AK5: variants seen among roughly 807,000 people sequenced by gnomAD.
AK5 encodes adenylate kinase 5, also known as adenylate kinase isoenzyme 5.
AK5 carries 27 observed loss-of-function variants against 69.5 expected under a neutral mutation model. That is an observed-to-expected ratio of 0.39 (90% CI 0.29 to 0.54). The LOEUF is 0.54. Among genes scored for constraint, AK5 ranks in the 20% least tolerant of loss-of-function variants. The pLI, the probability that AK5 is intolerant of heterozygous loss-of-function variation, is 0.71. For synonymous variants in AK5, 260 were observed against 244.4 expected (o/e 1.06, Z -0.60); for missense variants, 531 against 700.4 (o/e 0.76, Z 2.73).
At chr1:77,463,570 TAAAA>T (rs3077577) in intron 8 of AK5, among the ~76,000 whole-genome samples, 3 of 147,394 alleles carry the variant, frequency 2.0e-5, no homozygotes, top group Non-Finnish European at 1.5e-5. Context: ...TGTTTAGCTT[TAAAA>T]AAAAAAAAAA....
intron 10 of AK5, among the ~76,000 whole-genome samples, chr1:77,511,649 G>C (rs1657352903): frequency 6.6e-6 from 1 of 152,224 alleles, no homozygotes; most frequent in Admixed American, 6.5e-5. Flanking sequence ...TATGAAGTTA[G>C]ATAGCATGAC....
At chr1:77,354,212 C>T (rs2100419609) in intron 6 of AK5, among the ~76,000 whole-genome samples, 1 of 151,930 alleles carries the variant, frequency 6.6e-6, no homozygotes, top group East Asian at 1.9e-4. Flanking sequence ...TTTCTTGTTG[C>T]TCTCTCCCTG....
chr1:77,551,821 G>T (rs1659837453), intron 13 of AK5, among the ~76,000 whole-genome samples: 1 of 152,192 alleles, frequency 6.6e-6, no homozygotes, highest in South Asian at 2.1e-4. Flanking sequence ...AAGAGCAAAT[G>T]TGGGAATAGA....
chr1:77,537,693 T>G (rs912993984), intron 13 of AK5, among the ~76,000 whole-genome samples: 6 of 152,202 alleles, frequency 3.9e-5, no homozygotes, highest in African/African-American at 1.4e-4. Flanking sequence ...CATTACTGAT[T>G]CCTTGGGGGA....
chr1:77,486,204 T>TA, intron 9 of AK5, 104 bp from the exon 10 acceptor site: 1 of 721,944 alleles, frequency 1.4e-6, no homozygotes, highest in Non-Finnish European at 2.3e-6. Flanking sequence ...TCAAGCTTTT[T>TA]ATCAAATAAA....
chr1:77,421,386 G>A lies in AK5; in HGVS notation c.1059+3671G>A, dbSNP rs112316810. Among the ~76,000 whole-genome samples the A allele has an allele frequency of 4.2e-3, 633 of 152,274 alleles. 5 individuals are homozygous for A. The highest frequency in any genetic ancestry group is 0.015 in the African/African-American group (604 of 41,544). ...AGAGCTAGGATTCAAATCCAGCTGT[G>A]TGACTCCAGAGCCAGGCGCAGGAAA... On this transcript the variant is annotated intron_variant, in intron 8 of 13. Coordinates refer to ENST00000354567, the MANE Select transcript of AK5 (RefSeq NM_174858.3).
At chr1:77,526,660 A>G (rs1217007693) in intron 12 of AK5, among the ~76,000 whole-genome samples, 1 of 151,320 alleles carries the variant, frequency 6.6e-6, no homozygotes, top group Non-Finnish European at 1.5e-5. Flanking sequence ...TATTTTTAGT[A>G]GAGATGGGGT....
intron 8 of AK5, among the ~76,000 whole-genome samples, chr1:77,449,623 G>A (rs1320668474): frequency 1.3e-5 from 2 of 152,184 alleles, no homozygotes; most frequent in Non-Finnish European, 2.9e-5. Context: ...TTTGAAATGT[G>A]AGGACATGAG....
chr1:77,438,234 G>GA (rs1372907530), intron 8 of AK5, among the ~76,000 whole-genome samples: 1 of 109,620 alleles, frequency 9.1e-6, no homozygotes, highest in African/African-American at 3.5e-5. Context: ...AAAAAAAGGA[G>GA]AAAAAAAGAA....
At chr1:77,428,312 G>A (rs758808754) in intron 8 of AK5, among the ~76,000 whole-genome samples, 6 of 152,108 alleles carry the variant, frequency 3.9e-5, no homozygotes, top group Non-Finnish European at 5.9e-5. Context: ...GTACTTTTTT[G>A]TTCATTGAAA....
At chr1:77,311,910 G>A (rs1236026030) in intron 5 of AK5, among the ~76,000 whole-genome samples, 1 of 152,140 alleles carries the variant, frequency 6.6e-6, no homozygotes, top group Non-Finnish European at 1.5e-5. Flanking sequence ...TGATCTGTCA[G>A]CTGGAGTCCT....
intron 8 of AK5, among the ~76,000 whole-genome samples, chr1:77,427,973 G>T (rs760360069): frequency 9.2e-5 from 14 of 152,180 alleles, no homozygotes; most frequent in Non-Finnish European, 1.8e-4. Context: ...CACAAGGACA[G>T]AACCAAGCTA....
intron 9 of AK5, among the ~76,000 whole-genome samples, chr1:77,484,932 T>G (rs1204855417): frequency 6.6e-6 from 1 of 152,234 alleles, no homozygotes; most frequent in Non-Finnish European, 1.5e-5. Flanking sequence ...TCATTCATTT[T>G]AAAACAACTA....
intron 12 of AK5, among the ~76,000 whole-genome samples, chr1:77,533,492 G>A (rs1332679822): frequency 7.5e-6 from 1 of 133,936 alleles, no homozygotes. Flanking sequence ...CTAGGCTGCA[G>A]AGCAAGACTC....
At chr1:77,485,500 G>A (rs774415344) in intron 9 of AK5, among the ~76,000 whole-genome samples, 1 of 152,106 alleles carries the variant, frequency 6.6e-6, no homozygotes, top group Non-Finnish European at 1.5e-5. Flanking sequence ...ATGAACTGCT[G>A]TTACTCAGAT....
At chr1:77,417,143 C>T (rs902446319) in intron 7 of AK5, among the ~76,000 whole-genome samples, 31 of 152,210 alleles carry the variant, frequency 2.0e-4, no homozygotes, top group East Asian at 7.7e-4. Context: ...TCAGGGAGTA[C>T]GCAAACTTAG....
intron 10 of AK5, among the ~76,000 whole-genome samples, chr1:77,513,612 G>A (rs539036464): frequency 2.0e-5 from 3 of 152,330 alleles, no homozygotes; most frequent in Middle Eastern, 3.4e-3. Context: ...GGCCGAGGTG[G>A]GCGGATCACT....
rs200091301 is a variant in AK5, at chr1:77,293,993, G to A, written c.415+33G>A. On this transcript the variant is annotated intron_variant, in intron 3 of 13. Coordinates refer to ENST00000354567, the MANE Select transcript of AK5 (RefSeq NM_174858.3). ...GACAGAAAGCAAAAATTCTCATACC[G>A]TTGCTGCCTTTGTTTATATATTTAC... 28 of 1,582,338 alleles carry A rather than the reference G, an allele frequency of 1.8e-5. No homozygotes were observed. The East Asian group carries it at 2.3e-4, about 13-fold the overall frequency.
chr1:77,460,760 G>A lies in AK5; in HGVS notation c.1060-22557G>A, dbSNP rs1276002777. ...TCTTTTTGAGACAGAGTCTCACCCT[G>A]TCACTCAGGCTGGAGTGCAGTGATG... On this transcript the variant is annotated intron_variant, in intron 8 of 13. Transcript: ENST00000354567. Among the ~76,000 whole-genome samples the A allele has an allele frequency of 9.9e-5, 15 of 151,712 alleles. 1 individual carries two copies. The highest frequency in any genetic ancestry group is 4.6e-4 in the Admixed American group (7 of 15,240).
Sources: gnomAD v4.1 joint callset for allele counts (sites outside exome capture counted in the v4.1 genomes callset) on GRCh38, gnomAD v4.1.1 for gene constraint, MANE v1.5 for transcripts, NCBI Gene and HGNC (gene_info 2026-07-23, HGNC 2026-07-21) for gene names.